The following KCNIP4 variants were observed in gnomAD, a reference collection of about 807,000 sequenced individuals.
KCNIP4 encodes the protein potassium voltage-gated channel interacting protein 4, also known as Kv channel-interacting protein 4.
Under a neutral mutation model 34.0 loss-of-function variants are expected in KCNIP4, and 12 were observed. The ratio of observed to expected loss-of-function variants is 0.35; its 90% CI spans 0.23 to 0.57. The LOEUF (loss-of-function observed/expected upper bound fraction) is 0.57. Among genes scored for constraint, KCNIP4 ranks in the 20% least tolerant of loss-of-function variants. The pLI, the probability that KCNIP4 is intolerant of heterozygous loss-of-function variation, is 0.83. For missense variants in KCNIP4, 238 were observed against 311.7 expected (o/e 0.76, Z 1.78); for synonymous variants, 124 against 102.2 (o/e 1.21, Z -1.29).
intron 1 of KCNIP4, among the ~76,000 whole-genome samples, chr4:21,817,981 C>T (rs1014461134): frequency 1.3e-5 from 2 of 151,998 alleles, no homozygotes; most frequent in Non-Finnish European, 2.9e-5. Context: ...TTTGTTAGAC[C>T]CTGATTAGTA....
intron 3 of KCNIP4, among the ~76,000 whole-genome samples, chr4:20,838,967 C>G (rs1719387803): frequency 6.6e-6 from 1 of 152,082 alleles, no homozygotes; most frequent in African/African-American, 2.4e-5. Flanking sequence ...AAAAATTATG[C>G]TATCTCTTTT....
intron 2 of KCNIP4, among the ~76,000 whole-genome samples, chr4:20,877,797 G>A (rs910961373): frequency 1.3e-5 from 2 of 152,086 alleles, no homozygotes; most frequent in African/African-American, 4.8e-5. Context: ...AAGCGTATCT[G>A]TATCACTGGA....
At chr4:21,607,140 G>C (rs1383432154) in intron 1 of KCNIP4, among the ~76,000 whole-genome samples, 1 of 151,954 alleles carries the variant, frequency 6.6e-6, no homozygotes, top group Admixed American at 6.6e-5. Context: ...GAAAAACATG[G>C]TGTCTGGAGC....
At chr4:20,980,072 A>G (rs1244108269) in intron 1 of KCNIP4, among the ~76,000 whole-genome samples, 1 of 152,154 alleles carries the variant, frequency 6.6e-6, no homozygotes, top group Non-Finnish European at 1.5e-5. Context: ...TTTCTTCTCC[A>G]TTAAACCTTC....
chr4:21,109,005 C>T (rs981649676), intron 1 of KCNIP4, among the ~76,000 whole-genome samples: 1 of 152,252 alleles, frequency 6.6e-6, no homozygotes, highest in South Asian at 2.1e-4. Flanking sequence ...TCAGTCTGCC[C>T]CTACTGGGGG....
At chr4:21,041,230 TCACACACACACACACACACACA>T (rs57664737) in intron 1 of KCNIP4, among the ~76,000 whole-genome samples, 2 of 144,650 alleles carry the variant, frequency 1.4e-5, no homozygotes, top group Non-Finnish European at 3.0e-5. Context: ...GATATATATT[TCACACACACACACACACACACA>T]CACACACACA....
chr4:21,462,637 T>A (rs1306341253), intron 1 of KCNIP4, among the ~76,000 whole-genome samples: 1 of 152,064 alleles, frequency 6.6e-6, no homozygotes, highest in South Asian at 2.1e-4. Context: ...ATTCTGCATA[T>A]GAGTGAGATT....
At chr4:21,015,939 T>A (rs1025888426) in intron 1 of KCNIP4, among the ~76,000 whole-genome samples, 19 of 144,316 alleles carry the variant, frequency 1.3e-4, no homozygotes, top group Admixed American at 2.1e-4. Flanking sequence ...AATTTTTTTT[T>A]ATATATTAAA....
intron 1 of KCNIP4, among the ~76,000 whole-genome samples, chr4:21,899,095 G>C (rs1406935227): frequency 6.6e-6 from 1 of 152,160 alleles, no homozygotes; most frequent in Non-Finnish European, 1.5e-5. Context: ...TCATGACTAA[G>C]TGGGATTTAT....
intron 1 of KCNIP4, among the ~76,000 whole-genome samples, chr4:20,986,272 C>G (rs1736569963): frequency 6.6e-6 from 1 of 152,148 alleles, no homozygotes; most frequent in East Asian, 1.9e-4. Flanking sequence ...ATAAGTTGGT[C>G]CTGCCAAAGG....
intron 1 of KCNIP4, among the ~76,000 whole-genome samples, chr4:21,821,205 C>T (rs1392916963): frequency 6.6e-6 from 1 of 152,062 alleles, no homozygotes; most frequent in Non-Finnish European, 1.5e-5. Context: ...ATAACCTGAC[C>T]TGCAGGCAAT....
chr4:21,655,591 G>A (rs1032774888), intron 1 of KCNIP4, among the ~76,000 whole-genome samples: 1 of 152,162 alleles, frequency 6.6e-6, no homozygotes, highest in African/African-American at 2.4e-5. Context: ...TGGGGAAGTT[G>A]ATGAGAATAT....
intron 1 of KCNIP4, among the ~76,000 whole-genome samples, chr4:21,693,576 T>A (rs1380554963): frequency 6.6e-6 from 1 of 151,942 alleles, no homozygotes; most frequent in African/African-American, 2.4e-5. Flanking sequence ...AATAAATAAA[T>A]AAATAAATAA....
intron 1 of KCNIP4, among the ~76,000 whole-genome samples, chr4:21,441,448 A>G (rs915402417): frequency 2.6e-5 from 4 of 151,768 alleles, no homozygotes; most frequent in African/African-American, 9.7e-5. Context: ...CGGCCACGAC[A>G]CCTTTCTTAA....
chr4:20,894,697 G>A (rs779493580), intron 1 of KCNIP4, among the ~76,000 whole-genome samples: 2 of 152,168 alleles, frequency 1.3e-5, no homozygotes, highest in Non-Finnish European at 2.9e-5. Flanking sequence ...CATTAATTAA[G>A]CACCTATTTG....
rs1553845757 is a variant in KCNIP4, at chr4:21,247,865, T to TATAC, written c.62-365157_62-365156insGTAT. ...ACAGGTGGAGATATATATATATATA[T>TATAC]ACACACACACACACACACCACAGGT... On this transcript the variant is annotated intron_variant, in intron 1 of 8. Coordinates refer to ENST00000382152, the MANE Select transcript of KCNIP4 (RefSeq NM_025221.6). Among the ~76,000 whole-genome samples, 26 of 122,426 alleles carry TATAC rather than the reference T, an allele frequency of 2.1e-4. No homozygotes were observed. In the South Asian group the frequency reaches 4.4e-3, roughly 21 times the overall value. The allele number at this position is 122,426 out of a possible 152,430, so 80.3% of individuals were successfully genotyped here. A position where few individuals can be genotyped will look rare whatever the true frequency, so the allele number is the denominator to read the frequency against.
intron 1 of KCNIP4, among the ~76,000 whole-genome samples, chr4:21,323,901 C>A (rs972255787): frequency 2.0e-5 from 3 of 151,968 alleles, no homozygotes; most frequent in African/African-American, 7.2e-5. Flanking sequence ...CATATCCTTG[C>A]CAGCATTTGT....
chr4:21,691,204 T>C (rs534840290), intron 1 of KCNIP4, among the ~76,000 whole-genome samples: 107 of 152,280 alleles, frequency 7.0e-4, no homozygotes, highest in Non-Finnish European at 1.1e-3. Context: ...GTTCCTAGGA[T>C]GGGGTCAGAC....
At chr4:21,309,656 A>C (rs971540232) in intron 1 of KCNIP4, among the ~76,000 whole-genome samples, 3 of 152,086 alleles carry the variant, frequency 2.0e-5, no homozygotes, top group African/African-American at 7.3e-5. Context: ...GCAGCTACTA[A>C]TGCTATCTCC....
Sources: gnomAD v4.1 joint callset for allele counts (sites outside exome capture counted in the v4.1 genomes callset) on GRCh38, gnomAD v4.1.1 for gene constraint, MANE v1.5 for transcripts, NCBI Gene and HGNC (gene_info 2026-07-23, HGNC 2026-07-21) for gene names.